The following PRTFDC1 variants were observed in gnomAD, a reference collection of about 807,000 sequenced individuals.
PRTFDC1 encodes phosphoribosyltransferase domain-containing protein 1.
In PRTFDC1, 38 loss-of-function variants were observed where a neutral mutation model predicts 34.6. That is an observed-to-expected ratio of 1.10 (90% CI 0.85 to 1.44). The LOEUF (loss-of-function observed/expected upper bound fraction) is 1.44. Ranked by LOEUF, PRTFDC1 falls within the 40% of genes most tolerant of loss-of-function variation. PRTFDC1 has a pLI of 0.00. For synonymous variants in PRTFDC1, 93 were observed against 98.1 expected (o/e 0.95, Z 0.31); for missense variants, 270 against 283.0 (o/e 0.95, Z 0.33).
chr10:24,866,167 C>T (rs1178755453), intron 4 of PRTFDC1, among the ~76,000 whole-genome samples: 3 of 151,994 alleles, frequency 2.0e-5, no homozygotes, highest in African/African-American at 7.2e-5. Context: ...TTGAGACCAG[C>T]TTGACCAACT....
chr10:24,951,227 C>T (rs73606600), intron 1 of PRTFDC1, among the ~76,000 whole-genome samples: 1 of 152,060 alleles, frequency 6.6e-6, no homozygotes, highest in South Asian at 2.1e-4. Flanking sequence ...ATCACTCCCC[C>T]CTTCTCCTCC....
At chr10:24,897,040 T>C (rs111647533) in intron 3 of PRTFDC1, among the ~76,000 whole-genome samples, 1 of 152,200 alleles carries the variant, frequency 6.6e-6, no homozygotes, top group African/African-American at 2.4e-5. Context: ...CAAAAACCCA[T>C]CTCTACAAAA....
At chr10:24,869,684 T>A (rs1048923412) in intron 4 of PRTFDC1, among the ~76,000 whole-genome samples, 10 of 152,246 alleles carry the variant, frequency 6.6e-5, no homozygotes, top group Non-Finnish European at 1.2e-4. Flanking sequence ...TTTTCACTGT[T>A]CCACCTCAGC....
chr10:24,928,631 A>G (rs913781309), intron 3 of PRTFDC1, among the ~76,000 whole-genome samples: 1 of 152,018 alleles, frequency 6.6e-6, no homozygotes, highest in Non-Finnish European at 1.5e-5. Flanking sequence ...TTTAGTAGAG[A>G]TGGGGTTTCA....
rs916914257 is a variant in PRTFDC1 at position 24,858,384 on chromosome 10, C to T, written c.423+8G>A. The T allele has an allele frequency of 1.2e-6, 2 of 1,612,644 alleles. No homozygotes were observed. The highest frequency in any genetic ancestry group is 1.7e-6 in the Non-Finnish European group (2 of 1,178,910). On this transcript the variant is annotated splice_region_variant and intron_variant, in intron 5 of 8. Coordinates refer to ENST00000320152, the MANE Select transcript of PRTFDC1 (RefSeq NM_020200.7). ...CCTCCAAGTATGGAAAAGGAAATGC[C>T]AGCTTACCTCAACAATGAGAACATT...
chr10:24,871,587 T>C (rs1181829911), intron 4 of PRTFDC1, among the ~76,000 whole-genome samples: 1 of 151,660 alleles, frequency 6.6e-6, no homozygotes, highest in East Asian at 1.9e-4. Context: ...CCAGATTTTG[T>C]ACTTGTCAAT....
At chr10:24,938,260 T>C (rs1849086910) in intron 2 of PRTFDC1, among the ~76,000 whole-genome samples, 1 of 150,834 alleles carries the variant, frequency 6.6e-6, no homozygotes, top group South Asian at 2.1e-4. Flanking sequence ...GTTTCCAACA[T>C]GATGAAGTAA....
intron 2 of PRTFDC1, among the ~76,000 whole-genome samples, chr10:24,937,900 G>A (rs935755683): frequency 6.6e-6 from 1 of 151,998 alleles, no homozygotes; most frequent in Non-Finnish European, 1.5e-5. Flanking sequence ...CATAAAAAAT[G>A]TACATCAGAA....
At chr10:24,871,285 T>C (rs1847864018) in intron 4 of PRTFDC1, among the ~76,000 whole-genome samples, 2 of 152,168 alleles carry the variant, frequency 1.3e-5, no homozygotes, top group Admixed American at 6.6e-5. Context: ...GCTAGGTCAG[T>C]ACGGCTGAAC....
intron 2 of PRTFDC1, among the ~76,000 whole-genome samples, chr10:24,940,240 C>G (rs1324863956): frequency 6.6e-6 from 1 of 152,144 alleles, no homozygotes; most frequent in Non-Finnish European, 1.5e-5. Flanking sequence ...CCCACAACAG[C>G]AGGATACACA....
intron 6 of PRTFDC1, 60 bp from the exon 7 acceptor site, chr10:24,855,424 G>T: frequency 6.4e-7 from 1 of 1,571,916 alleles, no homozygotes; most frequent in South Asian, 1.1e-5. Context: ...ATTGTAAATA[G>T]AATCAAGCAT....
chr10:24,858,440 G>C, intron 4 of PRTFDC1, 31 bp from the exon 5 acceptor site: 2 of 1,610,600 alleles, frequency 1.2e-6, no homozygotes, highest in Non-Finnish European at 1.7e-6. Context: ...ATTTTAGAAT[G>C]TGATGCCAAT....
intron 4 of PRTFDC1, among the ~76,000 whole-genome samples, chr10:24,865,634 AAAAG>A (rs1319196730): frequency 6.6e-6 from 1 of 152,216 alleles, no homozygotes. Context: ...ACAAAAAAGA[AAAAG>A]AAAGGAAGAA....
intron 3 of PRTFDC1, among the ~76,000 whole-genome samples, chr10:24,880,152 G>A (rs1169259550): frequency 6.6e-6 from 1 of 152,148 alleles, no homozygotes; most frequent in Admixed American, 6.5e-5. Context: ...GAATTAGTAC[G>A]CATTAAGCAC....
intron 3 of PRTFDC1, among the ~76,000 whole-genome samples, chr10:24,896,387 C>A (rs1378797520): frequency 1.3e-5 from 2 of 152,122 alleles, no homozygotes; most frequent in Admixed American, 1.3e-4. Flanking sequence ...TTCCCTAGTC[C>A]ATGGAAAAGC....
At chr10:24,942,265 G>A (rs1849172308) in intron 2 of PRTFDC1, 65 bp downstream of exon 2, 1 of 1,303,808 alleles carries the variant, frequency 7.7e-7, no homozygotes, top group Non-Finnish European at 1.1e-6. Context: ...AGTATATTGT[G>A]GGATTCACAC....
chr10:24,937,224 A>G lies in PRTFDC1; in HGVS notation c.299T>C (p.Val100Ala), dbSNP rs760103467. Residue 100 changes from valine to alanine, a missense_variant, in exon 3 of 9, where the codon GTC (valine) becomes GCC (alanine). Physicochemically the swap from Val to Ala is moderately conservative, Grantham distance 64. Transcript: ENST00000320152. ...TCTGATGAAATCAACCTTCATTGAG[A>G]CAAATCGATCTGAATTTCGGCTGAT... ...KNISRNSDRF[V>A]SMKVDFIRLK... 5.0e-6 allele frequency: 8 copies of G among 1,613,874 alleles called. 1 individual carries two copies. The Admixed American group carries it at 1.0e-4, about 20-fold the overall frequency.
intron 3 of PRTFDC1, among the ~76,000 whole-genome samples, chr10:24,888,304 C>T (rs12257709): frequency 6.6e-6 from 1 of 152,176 alleles, no homozygotes; most frequent in Non-Finnish European, 1.5e-5. Context: ...GGCTCAGACC[C>T]TGCCCTGCCC....
At chr10:24,910,177 A>AT (rs1218909498) in intron 3 of PRTFDC1, among the ~76,000 whole-genome samples, 1 of 152,034 alleles carries the variant, frequency 6.6e-6, no homozygotes, top group East Asian at 1.9e-4. Context: ...AAATAAATAA[A>AT]TTTTTCCAAT....
Sources: gnomAD v4.1 joint callset for allele counts (sites outside exome capture counted in the v4.1 genomes callset) on GRCh38, gnomAD v4.1.1 for gene constraint, MANE v1.5 for transcripts, NCBI Gene and HGNC (gene_info 2026-07-23, HGNC 2026-07-21) for gene names.